Variants in PRKG1 observed in about 807,000 individuals in gnomAD.
The protein encoded by PRKG1 is protein kinase cGMP-dependent 1.
A neutral mutation model predicts 88.1 loss-of-function variants in PRKG1; 35 were observed. That is an observed-to-expected ratio of 0.40 (90% CI 0.30 to 0.53). The LOEUF (loss-of-function observed/expected upper bound fraction) is 0.53. Among genes scored for constraint, PRKG1 ranks in the 20% least tolerant of loss-of-function variants. The pLI is 0.59. For synonymous variants in PRKG1, 303 were observed against 292.5 expected, an observed-to-expected ratio of 1.04 and a Z score of -0.37; for missense variants, 540 against 839.8, an observed-to-expected ratio of 0.64 and a Z score of 4.41.
intron 1 of PRKG1, among the ~76,000 whole-genome samples, chr10:51,079,352 G>A (rs1844047601): frequency 1.3e-5 from 2 of 152,174 alleles, no homozygotes; most frequent in Admixed American, 1.3e-4. Context: ...GTTTTATGGT[G>A]TCAGAAACTC....
At chr10:51,354,985 A>C (rs1842334415) in intron 2 of PRKG1, among the ~76,000 whole-genome samples, 1 of 152,056 alleles carries the variant, frequency 6.6e-6, no homozygotes, top group Non-Finnish European at 1.5e-5. Flanking sequence ...CAAATTTCAG[A>C]CTCAGATGCA....
intron 2 of PRKG1, among the ~76,000 whole-genome samples, chr10:51,406,621 GTTTTT>G (rs34189565): frequency 3.5e-5 from 5 of 141,992 alleles, no homozygotes; most frequent in African/African-American, 1.0e-4. Context: ...CATTATGTTT[GTTTTT>G]TTTTTTTTTT....
chr10:51,884,283 A>G (rs1249548485), intron 4 of PRKG1, among the ~76,000 whole-genome samples: 1 of 149,826 alleles, frequency 6.7e-6, no homozygotes, highest in Non-Finnish European at 1.5e-5. Context: ...CGTCTCTACT[A>G]AAAATACAAA....
intron 4 of PRKG1, among the ~76,000 whole-genome samples, chr10:51,879,970 C>T (rs1841395795): frequency 6.6e-6 from 1 of 152,188 alleles, no homozygotes; most frequent in Admixed American, 6.5e-5. Flanking sequence ...TAGCAAGCAT[C>T]CTTTACATGG....
chr10:52,155,240 C>T lies in PRKG1; in HGVS notation c.1002-6649C>T, dbSNP rs1261418618. On this transcript the variant is annotated intron_variant, in intron 8 of 17. Transcript: ENST00000373980. ...TTTAAGGAATCTCCATACTATTTTC[C>T]ATAGTGGTTATACTAGTTTACCTTC... Among the ~76,000 whole-genome samples the T allele has an allele frequency of 3.3e-5, 5 of 151,986 alleles. 1 individual carries two copies. Among genetic ancestry groups the T allele is most frequent in the African/African-American group, 2.4e-5 (1 of 41,396 alleles).
chr10:52,248,350 G>A (rs561169272), intron 9 of PRKG1, among the ~76,000 whole-genome samples: 4 of 152,298 alleles, frequency 2.6e-5, no homozygotes, highest in Admixed American at 2.0e-4. Context: ...AGCAAACTAA[G>A]ATTTCTTGAG....
intron 3 of PRKG1, among the ~76,000 whole-genome samples, chr10:51,741,234 C>T (rs1837425886): frequency 6.6e-6 from 1 of 151,976 alleles, no homozygotes; most frequent in Non-Finnish European, 1.5e-5. Flanking sequence ...ATTTCAATTG[C>T]TGTAATTTGA....
chr10:51,506,911 A>G (rs952139823), intron 3 of PRKG1, among the ~76,000 whole-genome samples: 4 of 152,164 alleles, frequency 2.6e-5, no homozygotes, highest in African/African-American at 9.7e-5. Context: ...CAAATGTCCA[A>G]CAATGATAGA....
intron 1 of PRKG1, among the ~76,000 whole-genome samples, chr10:50,992,009 G>C (rs1842788291): frequency 6.6e-6 from 1 of 152,038 alleles, no homozygotes; most frequent in South Asian, 2.1e-4. Flanking sequence ...GTCCACGCAG[G>C]GACCCAACCC....
chr10:51,091,615 T>C (rs1844399671), intron 1 of PRKG1, among the ~76,000 whole-genome samples: 1 of 152,180 alleles, frequency 6.6e-6, no homozygotes, highest in South Asian at 2.1e-4. Flanking sequence ...TGAGAAAAGC[T>C]CAATTGGCCT....
chr10:51,301,791 A>G (rs1197489657), intron 2 of PRKG1, among the ~76,000 whole-genome samples: 5 of 152,178 alleles, frequency 3.3e-5, no homozygotes, highest in Non-Finnish European at 7.3e-5. Flanking sequence ...CCCGGCTGCC[A>G]CTGGACATTG....
intron 3 of PRKG1, among the ~76,000 whole-genome samples, chr10:51,733,608 A>C (rs1837178322): frequency 6.6e-6 from 1 of 152,178 alleles, no homozygotes; most frequent in Non-Finnish European, 1.5e-5. Flanking sequence ...ATCAGAAAGT[A>C]CTTTTTGTTG....
At chr10:51,020,148 A>G (rs1479839354) in intron 1 of PRKG1, among the ~76,000 whole-genome samples, 1 of 152,228 alleles carries the variant, frequency 6.6e-6, no homozygotes, top group Non-Finnish European at 1.5e-5. Context: ...CTACTTTTAC[A>G]TGCTAGGCTA....
At chr10:51,417,847 T>C (rs1455634923) in intron 2 of PRKG1, among the ~76,000 whole-genome samples, 1 of 152,164 alleles carries the variant, frequency 6.6e-6, no homozygotes, top group Non-Finnish European at 1.5e-5. Flanking sequence ...CTATCCTGTA[T>C]CTCTTGGTTG....
At chr10:52,039,598 G>A (rs116221041) in intron 5 of PRKG1, among the ~76,000 whole-genome samples, 3,639 of 152,134 alleles carry the variant, frequency 0.024, 134 homozygotes, top group African/African-American at 0.081. Context: ...CAGTTAGTAC[G>A]TATCCTCTGC....
At chr10:52,128,757 G>A (rs983240616) in intron 7 of PRKG1, among the ~76,000 whole-genome samples, 2 of 152,292 alleles carry the variant, frequency 1.3e-5, no homozygotes, top group South Asian at 2.1e-4. Context: ...TACTTTTGCA[G>A]TAGTGCTTTT....
chr10:51,091,357 C>G (rs1038387705), intron 1 of PRKG1, among the ~76,000 whole-genome samples: 3 of 152,136 alleles, frequency 2.0e-5, no homozygotes, highest in African/African-American at 7.2e-5. Context: ...CCTAAATTTC[C>G]TGGAACCCAA....
At chr10:52,067,161 T>A (rs753257118) in intron 7 of PRKG1, among the ~76,000 whole-genome samples, 25 of 152,194 alleles carry the variant, frequency 1.6e-4, no homozygotes, top group Admixed American at 4.6e-4. Flanking sequence ...ACTGTGTATA[T>A]CCTTTGGGTA....
chr10:52,081,246 A>G (rs923711937), intron 7 of PRKG1, among the ~76,000 whole-genome samples: 1 of 152,182 alleles, frequency 6.6e-6, no homozygotes, highest in African/African-American at 2.4e-5. Context: ...AAAGACACGC[A>G]TGTCTGGATT....
Sources: gnomAD v4.1 joint callset for allele counts (sites outside exome capture counted in the v4.1 genomes callset) on GRCh38, gnomAD v4.1.1 for gene constraint, MANE v1.5 for transcripts, NCBI Gene and HGNC (gene_info 2026-07-23, HGNC 2026-07-21) for gene names.